GSTA5: variants seen among roughly 807,000 people sequenced by gnomAD.
GSTA5 encodes the protein glutathione S-transferase A5.
A neutral mutation model predicts 21.8 loss-of-function variants in GSTA5; 25 were observed. The observed-to-expected ratio is 1.14, with a 90% CI of 0.83 to 1.60. The LOEUF (loss-of-function observed/expected upper bound fraction) is 1.60, where lower values mean the gene tolerates loss of function less well. Among genes scored for constraint, GSTA5 ranks in the 40% most tolerant of loss-of-function variants. GSTA5 has a pLI of 0.00. For missense variants in GSTA5, 330 were observed against 259.2 expected (o/e 1.27, Z -1.88); for synonymous variants, 102 against 89.5 (o/e 1.14, Z -0.78).
At chr6:52,842,987 T>G (rs1764402646), upstream of GSTA5, among the ~76,000 whole-genome samples, 1 of 152,158 alleles carries the variant, frequency 6.6e-6, no homozygotes, top group Admixed American at 6.5e-5. Context: ...CACTTATGAG[T>G]GAGAACATGT....
At chr6:52,834,061 TG>T (rs147786237) in intron 4 of GSTA5, 79 bp downstream of exon 4, 71,933 of 1,505,134 alleles carry the variant, frequency 0.048, 2,521 homozygotes, top group South Asian at 0.13. Context: ...TGAAGGTCAG[TG>T]GCCCCAGGAA....
At chr6:52,843,495 T>C (rs1344987289), upstream of GSTA5, among the ~76,000 whole-genome samples, 4 of 152,262 alleles carry the variant, frequency 2.6e-5, no homozygotes, top group Non-Finnish European at 4.4e-5. Context: ...ATTTCTCTAA[T>C]GACCAGTGAT....
intron 5 of GSTA5, among the ~76,000 whole-genome samples, chr6:52,832,370 T>C (rs1270464962): frequency 1.3e-5 from 2 of 152,220 alleles, no homozygotes; most frequent in South Asian, 2.1e-4. Context: ...ACACAAACCA[T>C]GGGACCACCT....
chr6:52,843,845 G>T (rs1764418109), upstream of GSTA5, among the ~76,000 whole-genome samples: 2 of 152,172 alleles, frequency 1.3e-5, no homozygotes, highest in Non-Finnish European at 2.9e-5. Flanking sequence ...TGAGAATCAT[G>T]TTTCAAAAGG....
At chr6:52,832,214 T>C (rs1764227190) in intron 5 of GSTA5, among the ~76,000 whole-genome samples, 1 of 152,232 alleles carries the variant, frequency 6.6e-6, no homozygotes, top group South Asian at 2.1e-4. Flanking sequence ...TCTTTCTCCT[T>C]ACATATTAAT....
At chr6:52,839,692 A>C (rs1345825687) in intron 1 of GSTA5, among the ~76,000 whole-genome samples, 3 of 152,140 alleles carry the variant, frequency 2.0e-5, no homozygotes, top group Non-Finnish European at 1.5e-5. Context: ...TTCCCAGGAA[A>C]ACCCTCAGGC....
intron 5 of GSTA5, 105 bp from the exon 6 acceptor site, chr6:52,832,075 C>T (rs771890762): frequency 4.8e-5 from 71 of 1,475,036 alleles, no homozygotes; most frequent in South Asian, 4.2e-4. Context: ...AAGCGAGTCC[C>T]CTCCATGAGT....
chr6:52,844,606 G>A (rs556035182), upstream of GSTA5, among the ~76,000 whole-genome samples: 58 of 152,288 alleles, frequency 3.8e-4, no homozygotes, highest in South Asian at 4.4e-3. Flanking sequence ...GGGAGAATGA[G>A]ATAAACCATG....
At chr6:52,845,585 T>A (rs1270207741), upstream of GSTA5, among the ~76,000 whole-genome samples, 2 of 152,234 alleles carry the variant, frequency 1.3e-5, no homozygotes, top group Middle Eastern at 3.2e-3. Context: ...GAGGCTCAAC[T>A]AGAATCTAGT....
At position 52,832,794 on chromosome 6, in the gene GSTA5, G is replaced by A. The variant is rs1442764725; in HGVS notation, c.546+65C>T. On this transcript the variant is annotated intron_variant, in intron 5 of 5. Transcript: ENST00000370989. ...GGGTCAAAACATGGTCAGTCCCGGG[G>A]CCCAGATATGAGATCCCAATATAAG... 38 of 1,608,274 alleles carry A rather than the reference G, an allele frequency of 2.4e-5. No homozygotes were observed. In the Middle Eastern group the frequency reaches 6.6e-4, roughly 28 times the overall value.
At chr6:52,833,189 C>A (rs1312846384) in intron 4 of GSTA5, among the ~76,000 whole-genome samples, 199 bp from the exon 5 acceptor site, 1 of 152,170 alleles carries the variant, frequency 6.6e-6, no homozygotes. Context: ...TGGTTGGAGG[C>A]CAGGCTACCA....
chr6:52,834,901 A>C (rs111450817), intron 3 of GSTA5, among the ~76,000 whole-genome samples: 120 of 152,280 alleles, frequency 7.9e-4, no homozygotes, highest in African/African-American at 2.8e-3. Context: ...CCCACCTAAG[A>C]ATCCCCTTCC....
At chr6:52,840,366 T>C (rs572203182) in intron 1 of GSTA5, among the ~76,000 whole-genome samples, 31 of 152,228 alleles carry the variant, frequency 2.0e-4, no homozygotes, top group Non-Finnish European at 3.2e-4. Context: ...GTTCTAAAGA[T>C]AACCATAGTA....
intron 1 of GSTA5, among the ~76,000 whole-genome samples, chr6:52,840,037 T>G (rs1261715944): frequency 6.6e-6 from 1 of 152,258 alleles, no homozygotes; most frequent in Non-Finnish European, 1.5e-5. Context: ...AGTCAATCTT[T>G]AATAGGTAGT....
intron 5 of GSTA5, 102 bp from the exon 6 acceptor site, chr6:52,832,072 T>A (rs903906295): frequency 6.7e-7 from 1 of 1,491,542 alleles, no homozygotes; most frequent in African/African-American, 1.4e-5. Flanking sequence ...ACCAAGCGAG[T>A]CCCCTCCATG....
At position 52,834,397 on chromosome 6, in the gene GSTA5, A is replaced by G; in HGVS notation, c.273-115T>C. 3 of 948,762 alleles carry G rather than the reference A, an allele frequency of 3.2e-6. No individual in the cohort carries two copies. In the South Asian group the frequency reaches 5.0e-5, roughly 16 times the overall value. The allele number at this position is 948,762 out of a possible 1,614,324, so 58.8% of individuals were successfully genotyped here. A position where few individuals can be genotyped will look rare whatever the true frequency, so the allele number is the denominator to read the frequency against. On this transcript the variant is annotated intron_variant, in intron 3 of 5. Coordinates refer to ENST00000370989, the Ensembl canonical transcript of GSTA5. The stretch of plus-strand genomic sequence containing the variant: ...GTGGCAAAGTAATTCACCTCCAGTT[A>G]GTGCCTTTTATACGCTAGTCATTAT...
chr6:52,842,575 T>A (rs1261172759), upstream of GSTA5, among the ~76,000 whole-genome samples: 19 of 152,098 alleles, frequency 1.2e-4, no homozygotes, highest in South Asian at 3.9e-3. Context: ...CTGGCTAATT[T>A]TGTATTTTTT....
chr6:52,832,068 C>T lies in GSTA5; in HGVS notation c.547-98G>A, dbSNP rs538519116. 20 of 1,502,246 alleles carry T rather than the reference C, an allele frequency of 1.3e-5. No homozygotes were observed. In the Admixed American group the frequency reaches 2.1e-4, roughly 16 times the overall value. The allele number at this position is 1,502,246 out of a possible 1,614,324, so 93.1% of individuals were successfully genotyped here. A position where few individuals can be genotyped will look rare whatever the true frequency, so the allele number is the denominator to read the frequency against. ...TGAGCCCCTCATGCCAAAGACCAAG[C>T]GAGTCCCCTCCATGAGTACCAGCAT... On this transcript the variant is annotated intron_variant, in intron 5 of 5. Transcript: ENST00000370989.
chr6:52,832,207 T>A (rs553931615), intron 5 of GSTA5, among the ~76,000 whole-genome samples: 1 of 152,350 alleles, frequency 6.6e-6, no homozygotes, highest in South Asian at 2.1e-4. Context: ...ATCCCTATCT[T>A]TCTCCTTACA....
Sources: allele counts gnomAD v4.1 joint callset (sites outside exome capture counted in the v4.1 genomes callset), GRCh38; gene constraint gnomAD v4.1.1; transcripts MANE v1.5; gene names NCBI Gene and HGNC (gene_info 2026-07-23, HGNC 2026-07-21).